The following ZNF121 variants were observed in gnomAD, a reference collection of about 807,000 sequenced individuals.
ZNF121 encodes the protein zinc finger protein 121, also known as zinc finger protein 121 (clone ZHC32).
ZNF121 carries 1 observed loss-of-function variant against 2.4 expected under a neutral mutation model. That is an observed-to-expected ratio of 0.41 (90% CI 0.15 to 1.94). The LOEUF is 1.94. Among genes scored for constraint, ZNF121 ranks in the 30% most tolerant of loss-of-function variants. The pLI, the probability that ZNF121 is intolerant of heterozygous loss-of-function variation, is 0.30. For synonymous variants in ZNF121, 173 were observed against 158.6 expected, an observed-to-expected ratio of 1.09 and a Z score of -0.68; for missense variants, 369 against 466.3, an observed-to-expected ratio of 0.79 and a Z score of 1.92.
chr19:9,560,398 C>T lies in ZNF121; in HGVS notation c.*5542G>A, dbSNP rs1419425240. ...ACCCTTTCACATACTTTGTGTGTAC[C>T]GAAGAGTATTGTTAACTATAGGCAT... On this transcript the variant is annotated 3_prime_UTR_variant, in exon 4 of 4. Coordinates refer to ENST00000320451, the MANE Select transcript of ZNF121 (RefSeq NM_001008727.5). The T allele has an allele frequency of 1.3e-5, 2 of 151,968 alleles. No homozygotes were observed. Among genetic ancestry groups the T allele is most frequent in the Non-Finnish European group, 2.9e-5 (2 of 67,996 alleles). 9.4% of individuals were successfully genotyped at this position (151,968 alleles called of 1,614,324 possible). A position where few individuals can be genotyped will look rare whatever the true frequency, so the allele number is the denominator to read the frequency against.
intron 1 of ZNF121, among the ~76,000 whole-genome samples, chr19:9,573,016 A>AAAC (rs150992104): frequency 0.14 from 20,912 of 152,030 alleles, 1,963 homozygotes; most frequent in African/African-American, 0.26. Flanking sequence ...CCTTGTCTCA[A>AAAC]AACAACAACA....
At chr19:9,569,283 T>A (rs2074156474) in intron 1 of ZNF121, among the ~76,000 whole-genome samples, 1 of 152,012 alleles carries the variant, frequency 6.6e-6, no homozygotes, top group Non-Finnish European at 1.5e-5. Context: ...TAAATACACA[T>A]TTAAAAACCA....
chr19:9,581,783 G>A (rs2074249941), intron 1 of ZNF121, among the ~76,000 whole-genome samples: 1 of 152,146 alleles, frequency 6.6e-6, no homozygotes, highest in African/African-American at 2.4e-5. Context: ...TTGAATCAAT[G>A]CGGAGAATTT....
chr19:9,577,875 C>T (rs573488395), intron 1 of ZNF121, among the ~76,000 whole-genome samples: 4 of 151,952 alleles, frequency 2.6e-5, no homozygotes, highest in South Asian at 2.1e-4. Flanking sequence ...GATGAAACCC[C>T]GTCTCTACTA....
chr19:9,583,567 G>C (rs528391595), intron 1 of ZNF121, among the ~76,000 whole-genome samples: 8 of 145,792 alleles, frequency 5.5e-5, no homozygotes, highest in Admixed American at 7.0e-5. Flanking sequence ...GCAGTGGCGC[G>C]ATCTCGGCTC....
At position 9,566,314 on chromosome 19, in the gene ZNF121, T is replaced by C; in HGVS notation, c.799A>G (p.Ser267Gly). ...AAGTGATTCTTAAGGCATGAAGAGCTTCTGAAGGATTTTCCACATACCTTA... is the reference window on the plus strand; with the variant it reads ...AAGTGATTCTTAAGGCATGAAGAGCCTCTGAAGGATTTTCCACATACCTTA... ...ECKVCGKSFR[S>G]SSCLKNHFRI... is the part of the protein sequence containing the mutation. Residue 267 changes from serine to glycine, a missense_variant, in exon 4 of 4, where the codon AGC becomes GGC. This residue lies in a region of ZNF121 where 127 missense variants were observed against 169.9 expected (regional missense o/e 0.75). Transcript: ENST00000320451. The C allele has an allele frequency of 1.2e-6, 2 of 1,613,958 alleles. No individual in the cohort carries two copies. Among genetic ancestry groups the C allele is most frequent in the Non-Finnish European group, 1.7e-6 (2 of 1,179,982 alleles).
chr19:9,566,323 A>G lies in ZNF121; in HGVS notation c.790T>C (p.Ser264Pro). The G allele has an allele frequency of 6.2e-7, 1 of 1,613,608 alleles. No homozygotes were observed. Among genetic ancestry groups the G allele is most frequent in the Non-Finnish European group, 8.5e-7 (1 of 1,179,894 alleles). ...KPFECKVCGKSFRSSSCLKNH... is the reference protein window; with the variant it reads ...KPFECKVCGKPFRSSSCLKNH... The stretch of plus-strand genomic sequence containing the variant: ...TTAAGGCATGAAGAGCTTCTGAAGG[A>G]TTTTCCACATACCTTACATTCAAAG... The change falls in exon 4 of 4, where the codon TCC becomes CCC. Residue 264 changes from serine (S) to proline (P), a missense_variant. Ser to Pro is a moderately conservative substitution (Grantham distance 74). Transcript: ENST00000320451.
At position 9,566,156 on chromosome 19, in the gene ZNF121, T is replaced by C; in HGVS notation, c.957A>G (p.Lys319=). 8 of 1,614,160 alleles carry C rather than the reference T, an allele frequency of 5.0e-6. No homozygotes were observed. Among genetic ancestry groups the C allele is most frequent in the Non-Finnish European group, 6.8e-6 (8 of 1,180,004 alleles). ...EKPYECKDCG[K]AFATSSQLIE... ...TGAGTTGTGAAGATGTAGCAAAGGC[T>C]TTCCCACAGTCCTTACATTCATAGG... is the stretch of plus-strand genomic sequence containing the variant. The change falls in exon 4 of 4, where the codon AAA becomes AAG. Residue 319 remains lysine, a synonymous_variant. Coordinates refer to ENST00000320451, the MANE Select transcript of ZNF121 (RefSeq NM_001008727.5).
In ZNF121 at chr19:9,562,968, A is replaced by C. The variant is rs1761538099; in HGVS notation, c.*2972T>G. On this transcript the variant is annotated 3_prime_UTR_variant, in exon 4 of 4. Coordinates refer to ENST00000320451, the MANE Select transcript of ZNF121 (RefSeq NM_001008727.5). Reference sequence around the variant, plus strand: ...GTCTTTAGCTACTCAGGAGACAGGAAGATCACTGGAACCCGTAAGTTTGAG... The same window carrying C: ...GTCTTTAGCTACTCAGGAGACAGGACGATCACTGGAACCCGTAAGTTTGAG... 1 of 150,180 alleles carries C rather than the reference A, an allele frequency of 6.7e-6. No individual in the cohort carries two copies. Among genetic ancestry groups the C allele is most frequent in the Admixed American group, 6.7e-5 (1 of 14,998 alleles). The allele number at this position is 150,180 out of a possible 1,614,324, so 9.3% of individuals were successfully genotyped here. A position where few individuals can be genotyped will look rare whatever the true frequency, so the allele number is the denominator to read the frequency against.
intron 1 of ZNF121, among the ~76,000 whole-genome samples, chr19:9,570,523 T>C (rs867119819): frequency 2.0e-5 from 3 of 152,296 alleles, no homozygotes; most frequent in African/African-American, 7.2e-5. Context: ...CAGGTATGAC[T>C]GCAAAGAATA....
intron 1 of ZNF121, among the ~76,000 whole-genome samples, chr19:9,579,915 G>C (rs1367381153): frequency 1.3e-5 from 2 of 152,188 alleles, no homozygotes; most frequent in Non-Finnish European, 2.9e-5. Flanking sequence ...AAACATGTAC[G>C]TCTATTATGA....
chr19:9,571,662 G>A (rs960552444), intron 1 of ZNF121, among the ~76,000 whole-genome samples: 3 of 152,142 alleles, frequency 2.0e-5, no homozygotes, highest in African/African-American at 7.2e-5. Context: ...TTAATCCCCA[G>A]AGAAAATGAC....
intron 1 of ZNF121, among the ~76,000 whole-genome samples, chr19:9,574,320 T>C (rs1220964650): frequency 6.6e-6 from 1 of 151,990 alleles, no homozygotes; most frequent in Non-Finnish European, 1.5e-5. Flanking sequence ...TCATTTTTTG[T>C]ATTTTTTGTT....
rs2074117001 is a variant in ZNF121 at position 9,564,374 on chromosome 19, T to C, written c.*1566A>G. The C allele has an allele frequency of 6.6e-6, 1 of 151,988 alleles. No homozygotes were observed. Among genetic ancestry groups the C allele is most frequent in the African/African-American group, 2.4e-5 (1 of 41,358 alleles). The allele number at this position is 151,988 out of a possible 1,614,324, so 9.4% of individuals were successfully genotyped here. ...GCATGAACAACACAGCGAGACCTTG[T>C]CTCTAAAAAAAATTTTTTTAATTAA... On this transcript the variant is annotated 3_prime_UTR_variant, in exon 4 of 4. Transcript: ENST00000320451.
At chr19:9,577,898 T>G (rs935647395) in intron 1 of ZNF121, among the ~76,000 whole-genome samples, 2 of 151,152 alleles carry the variant, frequency 1.3e-5, no homozygotes, top group Admixed American at 6.6e-5. Flanking sequence ...AATACAAAAA[T>G]TAGCCAGCTG....
intron 1 of ZNF121, among the ~76,000 whole-genome samples, chr19:9,575,648 CAGG>C (rs1294409996): frequency 1.3e-5 from 2 of 151,794 alleles, no homozygotes; most frequent in Non-Finnish European, 2.9e-5. Context: ...GAGGCTGAGG[CAGG>C]AGAATTGCTT....
In ZNF121 at chr19:9,573,172, G is replaced by A. The variant is rs575928484; in HGVS notation, c.-159-4090C>T. Among the ~76,000 whole-genome samples, 300 of 152,272 alleles carry A rather than the reference G, an allele frequency of 2.0e-3. 1 individual carries two copies. Among genetic ancestry groups the A allele is most frequent in the Non-Finnish European group, 3.0e-3 (204 of 68,020 alleles). ...GGAACCACGACCTCCTAAAATGGAC[G>A]AAAATAGTATCAGTGACTGAACCTA... is the stretch of plus-strand genomic sequence containing the variant. On this transcript the variant is annotated intron_variant, in intron 1 of 3. Transcript: ENST00000320451.
rs961370659 is a variant in ZNF121 at position 9,565,304 on chromosome 19, G to GACC, written c.*633_*635dup. On this transcript the variant is annotated 3_prime_UTR_variant, in exon 4 of 4. Coordinates refer to ENST00000320451, the MANE Select transcript of ZNF121 (RefSeq NM_001008727.5). Reference sequence around the variant, plus strand: ...GGTGAGTTCTCAAATGTTGGATTGTGACCACAATCCAATCCCTTGAGAAAA... The same window carrying GACC: ...GGTGAGTTCTCAAATGTTGGATTGTGACCACCACAATCCAATCCCTTGAGAAAA... 8.1e-6 allele frequency: 1 copy of GACC among 123,464 alleles called. No homozygotes were observed. The highest frequency in any genetic ancestry group is 3.0e-5 in the African/African-American group (1 of 33,226). The allele number at this position is 123,464 out of a possible 1,614,324, so 7.6% of individuals were successfully genotyped here.
Position 9,567,025 on chromosome 19 carries a change from T to A in ZNF121, c.88A>T (p.Met30Leu), listed in dbSNP as rs1195798425. Residue 30 changes from methionine (M) to leucine (L), a missense_variant, in exon 4 of 4, where the codon ATG (methionine) becomes TTG (leucine). This residue lies in a region of ZNF121 where 168 missense variants were observed against 162.3 expected (regional missense o/e 1.03). Coordinates refer to ENST00000320451, the MANE Select transcript of ZNF121 (RefSeq NM_001008727.5). ...FSEHSCLNAH[M>L]GTENTGDTYD... ...GTGTCCCCTGTATTTTCAGTTCCCATGTGTGCATTAAGGCATGAGTGTTCA... is the reference window on the plus strand; with the variant it reads ...GTGTCCCCTGTATTTTCAGTTCCCAAGTGTGCATTAAGGCATGAGTGTTCA... 4.3e-6 allele frequency: 7 copies of A among 1,614,040 alleles called. No homozygotes were observed. Among genetic ancestry groups the A allele is most frequent in the African/African-American group, 4.0e-5 (3 of 74,948 alleles).
Sources: allele counts gnomAD v4.1 joint callset (sites outside exome capture counted in the v4.1 genomes callset), GRCh38; gene constraint gnomAD v4.1.1; regional missense constraint gnomAD v4.1.1; transcripts MANE v1.5; gene names NCBI Gene and HGNC (gene_info 2026-07-23, HGNC 2026-07-21).